NECAB1: variants seen among roughly 807,000 people sequenced by gnomAD.
The protein encoded by NECAB1 is N-terminal EF-hand calcium binding protein 1, also known as N-terminal EF-hand calcium-binding protein 1.
In NECAB1, 29 loss-of-function variants were observed where a neutral mutation model predicts 57.5. The observed-to-expected ratio is 0.50, with a 90% CI of 0.38 to 0.69. The LOEUF is 0.69. Ranked by LOEUF, NECAB1 falls within the 30% of genes least tolerant of loss-of-function variation. NECAB1 has a pLI of 0.00. For missense variants in NECAB1, 372 were observed against 413.8 expected, an observed-to-expected ratio of 0.90 and a Z score of 0.88; for synonymous variants, 142 against 147.7, an observed-to-expected ratio of 0.96 and a Z score of 0.28.
intron 3 of NECAB1, among the ~76,000 whole-genome samples, chr8:90,850,258 A>C (rs1294552316): frequency 6.6e-6 from 1 of 152,234 alleles, no homozygotes; most frequent in Non-Finnish European, 1.5e-5. Flanking sequence ...GAAATGATTT[A>C]ACACGACTGA....
At chr8:90,884,243 C>T (rs983815034) in intron 5 of NECAB1, among the ~76,000 whole-genome samples, 3 of 152,188 alleles carry the variant, frequency 2.0e-5, no homozygotes, top group Non-Finnish European at 2.9e-5. Context: ...CTCTGCCTCT[C>T]TCTTACTCTC....
At chr8:90,866,681 A>G (rs1808520960) in intron 3 of NECAB1, among the ~76,000 whole-genome samples, 1 of 152,214 alleles carries the variant, frequency 6.6e-6, no homozygotes, top group South Asian at 2.1e-4. Context: ...TATAAATTGA[A>G]GTGATACTGG....
intron 3 of NECAB1, among the ~76,000 whole-genome samples, chr8:90,866,872 T>C (rs1021223581): frequency 2.6e-5 from 4 of 152,170 alleles, no homozygotes; most frequent in Non-Finnish European, 5.9e-5. Flanking sequence ...GAACCAGAAA[T>C]ATCATTTGAC....
intron 5 of NECAB1, among the ~76,000 whole-genome samples, chr8:90,888,447 T>C (rs1165514322): frequency 1.3e-5 from 2 of 152,200 alleles, no homozygotes; most frequent in African/African-American, 4.8e-5. Context: ...ATTCCTTCTG[T>C]CACGAGAATT....
At chr8:90,883,448 A>G (rs887905897) in intron 5 of NECAB1, among the ~76,000 whole-genome samples, 3 of 152,162 alleles carry the variant, frequency 2.0e-5, no homozygotes, top group Admixed American at 6.6e-5. Context: ...ACCCAGATAA[A>G]AAGTCCTGTC....
At chr8:90,808,640 C>CTTTTTTTTTTTTTTTTTTTTT (rs200075536) in intron 2 of NECAB1, among the ~76,000 whole-genome samples, 2 of 81,278 alleles carry the variant, frequency 2.5e-5, no homozygotes, top group African/African-American at 1.0e-4. Flanking sequence ...TTTTTCTTTT[C>CTTTTTTTTTTTTTTTTTTTTT]TTTTTTTTTT....
At chr8:90,858,490 A>C (rs1403719774) in intron 3 of NECAB1, among the ~76,000 whole-genome samples, 1 of 152,142 alleles carries the variant, frequency 6.6e-6, no homozygotes, top group Non-Finnish European at 1.5e-5. Flanking sequence ...TCAGCTAAAC[A>C]CTTCCTCATT....
intron 6 of NECAB1, among the ~76,000 whole-genome samples, chr8:90,920,791 T>C (rs186794432): frequency 1.3e-5 from 2 of 152,258 alleles, no homozygotes; most frequent in African/African-American, 2.4e-5. Context: ...CCATTAGACA[T>C]TGAGTTTTTA....
In NECAB1 at chr8:90,813,589, G is replaced by A. The variant is rs139704665; in HGVS notation, c.125-11128G>A. 1.7e-3 allele frequency among the ~76,000 whole-genome samples: 261 copies of A among 152,212 alleles called. 1 individual carries two copies. Among genetic ancestry groups the A allele is most frequent in the African/African-American group, 5.4e-3 (226 of 41,538 alleles). ...TCACCCAGGCTGGAGTGCAAGTGGCGTAATCATAGCTCACTATAACCTTGA... is the reference window on the plus strand; with the variant it reads ...TCACCCAGGCTGGAGTGCAAGTGGCATAATCATAGCTCACTATAACCTTGA... On this transcript the variant is annotated intron_variant, in intron 2 of 12. Transcript: ENST00000417640.
intron 10 of NECAB1, among the ~76,000 whole-genome samples, chr8:90,945,208 T>C (rs572446329): frequency 2.6e-5 from 4 of 152,094 alleles, no homozygotes; most frequent in African/African-American, 9.6e-5. Flanking sequence ...GCTGGGACTA[T>C]AGGTGCGTGC....
intron 3 of NECAB1, among the ~76,000 whole-genome samples, chr8:90,851,335 C>G (rs1287565091): frequency 2.0e-5 from 3 of 152,144 alleles, no homozygotes; most frequent in Non-Finnish European, 4.4e-5. Context: ...GTGCGGGATC[C>G]TCCGGACAGG....
chr8:90,858,538 T>A (rs1029035555), intron 3 of NECAB1, among the ~76,000 whole-genome samples: 1 of 151,598 alleles, frequency 6.6e-6, no homozygotes, highest in Admixed American at 6.6e-5. Flanking sequence ...AGAGAGTATA[T>A]CCATGAATAT....
intron 3 of NECAB1, among the ~76,000 whole-genome samples, chr8:90,850,613 G>A (rs1472559686): frequency 3.3e-5 from 5 of 152,218 alleles, no homozygotes; most frequent in Admixed American, 6.5e-5. Flanking sequence ...GAATGTATGC[G>A]CTATTGGACA....
At chr8:90,805,190 AG>A (rs1307720393) in intron 2 of NECAB1, among the ~76,000 whole-genome samples, 1 of 152,258 alleles carries the variant, frequency 6.6e-6, no homozygotes, top group Non-Finnish European at 1.5e-5. Context: ...AGCATATAAA[AG>A]TAAGCATCCT....
intron 3 of NECAB1, 144 bp from the exon 4 acceptor site, chr8:90,871,984 G>T (rs941122603): frequency 3.3e-6 from 2 of 614,246 alleles, no homozygotes; most frequent in South Asian, 2.3e-5. Flanking sequence ...TTTAAATAAT[G>T]TAGAATTTAT....
At chr8:90,804,839 A>G (rs1425580816) in intron 2 of NECAB1, among the ~76,000 whole-genome samples, 1 of 152,214 alleles carries the variant, frequency 6.6e-6, no homozygotes, top group Admixed American at 6.5e-5. Context: ...TAGGAACCTT[A>G]TAAAGAGCAT....
At chr8:90,828,458 A>C (rs1047672910) in intron 3 of NECAB1, among the ~76,000 whole-genome samples, 8 of 152,042 alleles carry the variant, frequency 5.3e-5, no homozygotes, top group African/African-American at 7.2e-5. Flanking sequence ...CTCAGTGCTC[A>C]GTATAATCTC....
chr8:90,812,146 AGAG>A (rs1811970490), intron 2 of NECAB1, among the ~76,000 whole-genome samples: 1 of 152,224 alleles, frequency 6.6e-6, no homozygotes, highest in African/African-American at 2.4e-5. Context: ...ATGCAGGTAT[AGAG>A]GAGGGGAAAT....
At chr8:90,945,962 GTGT>G (rs925393327) in intron 10 of NECAB1, among the ~76,000 whole-genome samples, 6 of 152,198 alleles carry the variant, frequency 3.9e-5, no homozygotes, top group African/African-American at 1.4e-4. Flanking sequence ...AATCACAGGT[GTGT>G]TGTTGTGCAG....
Sources: allele counts gnomAD v4.1 joint callset (sites outside exome capture counted in the v4.1 genomes callset), GRCh38; gene constraint gnomAD v4.1.1; transcripts MANE v1.5; gene names NCBI Gene and HGNC (gene_info 2026-07-23, HGNC 2026-07-21).